The following SPTBN4 variants were observed in gnomAD, a reference collection of about 807,000 sequenced individuals.
The protein encoded by SPTBN4 is spectrin beta chain, non-erythrocytic 4.
Under a neutral mutation model 277.8 loss-of-function variants are expected in SPTBN4, and 96 were observed. The observed-to-expected ratio is 0.35, with a 90% CI of 0.29 to 0.41. The LOEUF (loss-of-function observed/expected upper bound fraction) is 0.41, where lower values mean the gene tolerates loss of function less well. Ranked by LOEUF, SPTBN4 falls within the 10% of genes least tolerant of loss-of-function variation. The pLI is 1.00. For missense variants in SPTBN4, 3,006 were observed against 3,595.7 expected, an observed-to-expected ratio of 0.84 and a Z score of 4.19; for synonymous variants, 1,481 against 1,580.3, an observed-to-expected ratio of 0.94 and a Z score of 1.49.
intron 18 of SPTBN4, among the ~76,000 whole-genome samples, chr19:40,530,162 T>C (rs913452083): frequency 1.3e-5 from 2 of 151,928 alleles, no homozygotes; most frequent in Non-Finnish European, 2.9e-5. Flanking sequence ...CTTCTTCCCA[T>C]TAGAGATGGT....
rs1389047433 is a variant in SPTBN4, at chr19:40,502,190, G to T, written c.960G>T (p.Glu320Asp). Residue 320 changes from glutamate to aspartate, a missense_variant, in exon 9 of 36, where the codon GAG becomes GAT. Physicochemically the swap from Glu to Asp is conservative, Grantham distance 45. Coordinates refer to ENST00000598249, the MANE Select transcript of SPTBN4 (RefSeq NM_020971.3). This position sits in a 1 kb window ranked among gnomAD's most constrained non-coding sequence, Gnocchi z 4.9. Reference sequence around the variant, plus strand: ...AACGCTACGAGGAGCTGGCGGCTGAGCTGCTGGCCTGGATCCACCGCACCG... The same window carrying T: ...AACGCTACGAGGAGCTGGCGGCTGATCTGCTGGCCTGGATCCACCGCACCG... ...IIERYEELAAELLAWIHRTVG... is the reference protein window; with the variant it reads ...IIERYEELAADLLAWIHRTVG... The T allele has an allele frequency of 2.5e-6, 4 of 1,614,100 alleles. No individual in the cohort carries two copies. Among genetic ancestry groups the T allele is most frequent in the Non-Finnish European group, 3.4e-6 (4 of 1,180,038 alleles).
intron 26 of SPTBN4, among the ~76,000 whole-genome samples, chr19:40,558,671 G>GTCTA (rs2081009586): frequency 1.3e-4 from 19 of 146,494 alleles, no homozygotes; most frequent in East Asian, 1.1e-3. Flanking sequence ...GCAGTGGCGC[G>GTCTA]ATCTCAGCTC....
chr19:40,549,022 G>C (rs1350870539), intron 20 of SPTBN4, among the ~76,000 whole-genome samples, 167 bp from the exon 21 acceptor site: 1 of 152,244 alleles, frequency 6.6e-6, no homozygotes, highest in African/African-American at 2.4e-5. Context: ...AGCTTAGTGT[G>C]ATGCAGGTTC....
At position 40,550,277 on chromosome 19, in the gene SPTBN4, G is replaced by A; in HGVS notation, c.4624G>A (p.Glu1542Lys). The change falls in exon 22 of 36, where the codon GAG becomes AAG. Residue 1542 changes from glutamate to lysine, a missense_variant. Transcript: ENST00000598249. ...GCGGCTGCCACTGGCCATGCAGACA[G>A]AGCGAGGCAACGGTTTGCAGGCGGT... ...QERLPLAMQTERGNGLQAVQQ... is the reference protein window; with the variant it reads ...QERLPLAMQTKRGNGLQAVQQ... 1.9e-6 allele frequency: 3 copies of A among 1,613,150 alleles called. No homozygotes were observed. Among genetic ancestry groups the A allele is most frequent in the Non-Finnish European group, 2.5e-6 (3 of 1,180,028 alleles).
In SPTBN4 at chr19:40,560,544, T is replaced by C; in HGVS notation, c.5915+141T>C. The C allele has an allele frequency of 6.5e-7, 1 of 1,543,622 alleles. No individual in the cohort carries two copies. The highest frequency in any genetic ancestry group is 8.7e-7 in the Non-Finnish European group (1 of 1,145,668). On this transcript the variant is annotated intron_variant, in intron 27 of 35. Transcript: ENST00000598249. This position sits in a 1 kb window ranked among gnomAD's most constrained non-coding sequence, Gnocchi z 5.2. Reference sequence around the variant, plus strand: ...CGCCTCTGTGTGCTAGGCACTGTTCTAGGTGCTTCGTGTGTATTCAGACCC... The same window carrying C: ...CGCCTCTGTGTGCTAGGCACTGTTCCAGGTGCTTCGTGTGTATTCAGACCC...
chr19:40,538,402 AAAAG>A (rs1223753689), intron 20 of SPTBN4, among the ~76,000 whole-genome samples: 7 of 151,308 alleles, frequency 4.6e-5, no homozygotes, highest in Non-Finnish European at 1.0e-4. Context: ...AAAAAAAAAA[AAAAG>A]AGAAAGAAAG....
At chr19:40,520,304 A>C (rs2080512903) in intron 16 of SPTBN4, among the ~76,000 whole-genome samples, 153 bp downstream of exon 16, 1 of 152,174 alleles carries the variant, frequency 6.6e-6, no homozygotes, top group African/African-American at 2.4e-5. Context: ...CGGAATGGAT[A>C]ACTGAGTTTG....
intron 21 of SPTBN4, 120 bp downstream of exon 21, chr19:40,549,533 C>T: frequency 1.4e-6 from 1 of 730,036 alleles, no homozygotes; most frequent in Non-Finnish European, 2.1e-6. Flanking sequence ...CGCTGAAAGA[C>T]GCATTCAGCC....
intron 24 of SPTBN4, chr19:40,555,008 G>A (rs1328833368): frequency 1.3e-5 from 3 of 235,120 alleles, no homozygotes; most frequent in Non-Finnish European, 2.5e-5. Flanking sequence ...TGGCTATGGC[G>A]GTGGGGCTGG....
rs758367621 is a variant in SPTBN4 at position 40,532,678 on chromosome 19, G to A, written c.4002G>A (p.Glu1334=). 5.0e-6 allele frequency: 8 copies of A among 1,613,408 alleles called. No individual in the cohort carries two copies. Among genetic ancestry groups the A allele is most frequent in the Non-Finnish European group, 6.8e-6 (8 of 1,179,676 alleles). ...KMLMARDGTR[E]DNHKLHKRWL... is the part of the protein sequence containing the mutation. The stretch of plus-strand genomic sequence containing the variant: ...TGATGGCGCGGGATGGCACGCGGGA[G>A]GACAACCACAAGCTGCATAAGAGAT... The change falls in exon 19 of 36, where the codon GAG becomes GAA. Residue 1334 remains glutamate, a synonymous_variant. Coordinates refer to ENST00000598249, the MANE Select transcript of SPTBN4 (RefSeq NM_020971.3).
At chr19:40,507,740 T>C (rs756423446) in intron 13 of SPTBN4, among the ~76,000 whole-genome samples, 57 of 152,042 alleles carry the variant, frequency 3.7e-4, no homozygotes, top group Non-Finnish European at 1.5e-4. Context: ...GAGGCTGAGG[T>C]GGGAGGATTG....
rs777739888 is a variant in SPTBN4, at chr19:40,567,949, C to T, written c.6623C>T (p.Pro2208Leu). Reference sequence around the variant, plus strand: ...GGGAGGGTGGAGCCCGCGGCCCTGCCGGCCGCACCAGAGGACGCGGCGGAG... The same window carrying T: ...GGGAGGGTGGAGCCCGCGGCCCTGCTGGCCGCACCAGAGGACGCGGCGGAG... ...IPGRVEPAALPAAPEDAAETP... is the reference protein window; with the variant it reads ...IPGRVEPAALLAAPEDAAETP... Residue 2208 changes from proline to leucine, a missense_variant, in exon 31 of 36, where the codon CCG becomes CTG. This residue lies in a region of SPTBN4 where 630 missense variants were observed against 677.6 expected (regional missense o/e 0.93). Coordinates refer to ENST00000598249, the MANE Select transcript of SPTBN4 (RefSeq NM_020971.3). 5.3e-6 allele frequency: 8 copies of T among 1,509,756 alleles called. No individual in the cohort carries two copies. Among genetic ancestry groups the T allele is most frequent in the South Asian group, 3.8e-5 (3 of 79,870 alleles). 93.5% of individuals were successfully genotyped at this position (1,509,756 alleles called of 1,614,324 possible).
At chr19:40,507,442 G>A (rs558542753) in intron 13 of SPTBN4, among the ~76,000 whole-genome samples, 1 of 152,042 alleles carries the variant, frequency 6.6e-6, no homozygotes, top group African/African-American at 2.4e-5. Context: ...GGTGTCTCAT[G>A]CCTGTAATTC....
chr19:40,553,232 C>G (rs916023781), intron 22 of SPTBN4, among the ~76,000 whole-genome samples: 1 of 152,190 alleles, frequency 6.6e-6, no homozygotes, highest in African/African-American at 2.4e-5. Context: ...ATAAGCCTAG[C>G]ACTTTGGGAG....
intron 31 of SPTBN4, 95 bp downstream of exon 31, chr19:40,568,377 G>A (rs939482561): frequency 7.0e-7 from 1 of 1,431,434 alleles, no homozygotes; most frequent in Non-Finnish European, 9.2e-7. Flanking sequence ...TCAGGGCTCA[G>A]AACTTCCCAA....
chr19:40,503,753 C>T, intron 11 of SPTBN4, 77 bp from the exon 12 acceptor site: 1 of 1,460,850 alleles, frequency 6.8e-7, no homozygotes, highest in South Asian at 1.4e-5. Flanking sequence ...AGTGGGGAGT[C>T]CCCAGGGTCA....
chr19:40,557,967 T>G (rs1398586687), intron 26 of SPTBN4, among the ~76,000 whole-genome samples: 1 of 151,048 alleles, frequency 6.6e-6, no homozygotes, highest in Non-Finnish European at 1.5e-5. Flanking sequence ...GGGCAGTGGT[T>G]CTCCTAAAAC....
Position 40,490,900 on chromosome 19 carries a change from GGCATGGTGGT to G in SPTBN4, c.495+658_495+667del, listed in dbSNP as rs1387091382. Reference sequence around the variant, plus strand: ...TTAAATAAATTTAAAAAATTAGCCAGGCATGGTGGTGCATGCCTGTGGTCCCAGCTACTCA... The same window carrying G: ...TTAAATAAATTTAAAAAATTAGCCAGGCATGCCTGTGGTCCCAGCTACTCA... On this transcript the variant is annotated intron_variant, in intron 4 of 35. Coordinates refer to ENST00000598249, the MANE Select transcript of SPTBN4 (RefSeq NM_020971.3). The surrounding 1 kb of genome is among the most constrained non-coding windows in gnomAD (Gnocchi z 4.3). Among the ~76,000 whole-genome samples the G allele has an allele frequency of 2.0e-5, 3 of 152,052 alleles. No homozygotes were observed. The highest frequency in any genetic ancestry group is 4.4e-5 in the Non-Finnish European group (3 of 68,010).
intron 27 of SPTBN4, among the ~76,000 whole-genome samples, chr19:40,562,529 CAAAAAA>C (rs35366889): frequency 1.8e-5 from 1 of 55,726 alleles, no homozygotes; most frequent in Admixed American, 2.5e-4. Context: ...GACTCTGTGT[CAAAAAA>C]AAAAAAAAAA....
Sources: gnomAD v4.1 joint callset for allele counts (sites outside exome capture counted in the v4.1 genomes callset) on GRCh38, gnomAD v4.1.1 for gene constraint, gnomAD v4.1.1 regional missense constraint, Gnocchi (gnomAD v3.1) non-coding constraint, MANE v1.5 for transcripts, NCBI Gene and HGNC (gene_info 2026-07-23, HGNC 2026-07-21) for gene names.